The following ABCE1 variants were observed in gnomAD, a reference collection of about 807,000 sequenced individuals.
ABCE1 encodes ATP-binding cassette sub-family E member 1.
In ABCE1, 22 loss-of-function variants were observed where a neutral mutation model predicts 83.4. The observed-to-expected ratio is 0.26, with a 90% confidence interval of 0.19 to 0.38. The LOEUF is 0.38. Ranked by LOEUF, ABCE1 falls within the 10% of genes least tolerant of loss-of-function variation. The pLI, the probability that ABCE1 is intolerant of heterozygous loss-of-function variation, is 1.00. For synonymous variants in ABCE1, 204 were observed against 233.7 expected (o/e 0.87, Z 1.16); for missense variants, 330 against 721.9 (o/e 0.46, Z 6.22).
At position 145,110,949 on chromosome 4, in the gene ABCE1, G is replaced by C; in HGVS notation, c.614-19G>C. The C allele has an allele frequency of 6.5e-7, 1 of 1,533,122 alleles. No individual in the cohort carries two copies. Among genetic ancestry groups the C allele is most frequent in the South Asian group, 1.2e-5 (1 of 85,432 alleles). 95.0% of individuals were successfully genotyped at this position (1,533,122 alleles called of 1,614,324 possible). On this transcript the variant is annotated intron_variant, in intron 7 of 17. Coordinates refer to ENST00000296577, the MANE Select transcript of ABCE1 (RefSeq NM_002940.3). ...AGAGGTGAAATACATTGAGCACAAT[G>C]CCTCTATGTTCTTTGTAGATTTAAC...
chr4:145,114,341 C>T (rs1749558495), intron 9 of ABCE1, among the ~76,000 whole-genome samples: 2 of 152,102 alleles, frequency 1.3e-5, no homozygotes, highest in Non-Finnish European at 2.9e-5. Context: ...AGTCAGGTCA[C>T]TAGTTCTCAA....
chr4:145,099,634 A>G (rs1306194134), intron 1 of ABCE1, among the ~76,000 whole-genome samples: 1 of 152,228 alleles, frequency 6.6e-6, no homozygotes, highest in Non-Finnish European at 1.5e-5. Flanking sequence ...TAAATGTCTT[A>G]AACTTAAAAC....
chr4:145,100,509 C>T (rs1749118510), intron 1 of ABCE1, among the ~76,000 whole-genome samples: 1 of 152,246 alleles, frequency 6.6e-6, no homozygotes, highest in African/African-American at 2.4e-5. Flanking sequence ...TGTAGAAAGG[C>T]ATTCAGTATT....
chr4:145,129,429 A>ATACT lies in ABCE1; in HGVS notation c.*1859_*1862dup, dbSNP rs901080180. Among the ~76,000 whole-genome samples, 3 of 152,204 alleles carry ATACT rather than the reference A, an allele frequency of 2.0e-5. No individual in the cohort carries two copies. Among genetic ancestry groups the ATACT allele is most frequent in the Non-Finnish European group, 2.9e-5 (2 of 68,032 alleles). On this transcript the variant is annotated 3_prime_UTR_variant, in exon 18 of 18. Transcript: ENST00000296577. ...ATGTCCTAATTGGAAAAAGTCTCAA[A>ATACT]TACTTAAAAAAACAAAAAACTGGAA...
In ABCE1 at chr4:145,120,106, C is replaced by T. The variant is rs1749702406; in HGVS notation, c.1097C>T (p.Ala366Val). Residue 366 changes from alanine (A) to valine (V), a missense_variant, in exon 11 of 18, where the codon GCT (alanine) becomes GTT (valine). Transcript: ENST00000296577. ...KMGEFELAIV[A>V]GEFTDSEIMV... ...GGAGAATTTGAGCTAGCAATTGTAG[C>T]TGGAGAGTTTACAGATTCTGAAATT... The T allele has an allele frequency of 6.2e-7, 1 of 1,611,270 alleles. No homozygotes were observed. The highest frequency in any genetic ancestry group is 8.5e-7 in the Non-Finnish European group (1 of 1,179,048).
Position 145,123,121 on chromosome 4 carries a change from T to C in ABCE1, c.1364T>C (p.Ile455Thr). The C allele has an allele frequency of 1.2e-6, 2 of 1,601,190 alleles. No homozygotes were observed. The highest frequency in any genetic ancestry group is 1.7e-6 in the Non-Finnish European group (2 of 1,175,940). Residue 455 changes from isoleucine to threonine, a missense_variant, in exon 14 of 18, where the codon ATT becomes ACT. Ile to Thr is a moderately conservative substitution (Grantham distance 89). Transcript: ENST00000296577. The stretch of plus-strand genomic sequence containing the variant: ...AAGCCTCTGCAAATTGAAAACATCA[T>C]TGATCAAGAGGTACTTTAACATAAT... ...VMKPLQIENIIDQEVQTLSGG... is the reference protein window; with the variant it reads ...VMKPLQIENITDQEVQTLSGG...
At chr4:145,099,068 ACTTTCTC>A (rs1467790653) in intron 1 of ABCE1, among the ~76,000 whole-genome samples, 1 of 152,152 alleles carries the variant, frequency 6.6e-6, no homozygotes, top group East Asian at 1.9e-4. Flanking sequence ...AGCACTAGGC[ACTTTCTC>A]CCCTTACCCG....
Position 145,123,609 on chromosome 4 carries a change from A to G in ABCE1, c.1640+9A>G, listed in dbSNP as rs750349882. 2.5e-6 allele frequency: 4 copies of G among 1,588,628 alleles called. No homozygotes were observed. In the South Asian group the frequency reaches 4.4e-5, roughly 18 times the overall value. ...AACACAGTTGCAAACAGGTAAAATT[A>G]CTTTTTAATATGTTCAAAGTAATTC... On this transcript the variant is annotated intron_variant, in intron 16 of 17. Coordinates refer to ENST00000296577, the MANE Select transcript of ABCE1 (RefSeq NM_002940.3).
At chr4:145,101,519 C>A (rs1160088852) in intron 1 of ABCE1, among the ~76,000 whole-genome samples, 1 of 152,096 alleles carries the variant, frequency 6.6e-6, no homozygotes, top group Non-Finnish European at 1.5e-5. Flanking sequence ...AAAAGGCTTC[C>A]TATGGTTCCT....
intron 10 of ABCE1, among the ~76,000 whole-genome samples, chr4:145,119,656 G>T (rs1373771559): frequency 6.6e-6 from 1 of 151,888 alleles, no homozygotes; most frequent in Admixed American, 6.6e-5. Context: ...AGGACATCAT[G>T]TGCTCTCTTT....
intron 7 of ABCE1, 195 bp from the exon 8 acceptor site, chr4:145,110,773 A>G (rs1749448887): frequency 7.2e-6 from 4 of 554,954 alleles, no homozygotes; most frequent in Non-Finnish European, 1.3e-5. Context: ...TTTTGTGTAT[A>G]TATTTCAATA....
chr4:145,111,498 T>G (rs1749474298), intron 8 of ABCE1, among the ~76,000 whole-genome samples: 1 of 152,112 alleles, frequency 6.6e-6, no homozygotes, highest in Admixed American at 6.5e-5. Context: ...TAATTTTTTT[T>G]TGTATTTTTA....
At chr4:145,109,375 TTTA>T (rs1403221992) in intron 5 of ABCE1, 126 bp downstream of exon 5, 1 of 540,128 alleles carries the variant, frequency 1.9e-6, no homozygotes, top group Admixed American at 3.8e-5. Flanking sequence ...TGCTGAGAAA[TTTA>T]TAAACAAAGC....
intron 7 of ABCE1, 78 bp downstream of exon 7, chr4:145,110,522 C>A: frequency 7.0e-7 from 1 of 1,428,930 alleles, no homozygotes; most frequent in Non-Finnish European, 9.8e-7. Context: ...GTTGCCCAGG[C>A]TGGGGTGCAA....
In ABCE1 at chr4:145,108,075, A is replaced by G; in HGVS notation, c.250A>G (p.Thr84Ala). 1 of 1,613,710 alleles carries G rather than the reference A, an allele frequency of 6.2e-7. No homozygotes were observed. The highest frequency in any genetic ancestry group is 8.5e-7 in the Non-Finnish European group (1 of 1,179,758). ...ACCAAGCAACTTGGAAAAAGAAACC[A>G]CACATCGATATTGTGCCAATGCCTT... Reference protein sequence around the residue: ...NLPSNLEKETTHRYCANAFKL... With the variant: ...NLPSNLEKETAHRYCANAFKL... The change falls in exon 4 of 18, where the codon ACA becomes GCA. Residue 84 changes from threonine (T) to alanine (A), a missense_variant. Physicochemically the swap from Thr to Ala is moderately conservative, Grantham distance 58. Coordinates refer to ENST00000296577, the MANE Select transcript of ABCE1 (RefSeq NM_002940.3).
intron 17 of ABCE1, among the ~76,000 whole-genome samples, chr4:145,125,773 G>C (rs560256907): frequency 1.3e-5 from 2 of 152,234 alleles, no homozygotes; most frequent in Non-Finnish European, 2.9e-5. Flanking sequence ...TGATTAAAAG[G>C]TGTATTTTAG....
chr4:145,116,715 C>T (rs1749615543), intron 9 of ABCE1, among the ~76,000 whole-genome samples: 1 of 151,920 alleles, frequency 6.6e-6, no homozygotes, highest in Non-Finnish European at 1.5e-5. Context: ...CATCATATCC[C>T]ATTCTCATTC....
intron 3 of ABCE1, among the ~76,000 whole-genome samples, chr4:145,106,182 C>A (rs1217961394): frequency 2.0e-5 from 3 of 151,900 alleles, no homozygotes; most frequent in East Asian, 3.8e-4. Flanking sequence ...GCTTTTGACT[C>A]ATGAATGGTG....
intron 5 of ABCE1, among the ~76,000 whole-genome samples, chr4:145,109,709 C>G (rs1749409518): frequency 1.3e-5 from 2 of 152,114 alleles, no homozygotes. Context: ...GAATGCCGCC[C>G]TATTAATTGT....
Sources: gnomAD v4.1 joint callset for allele counts (sites outside exome capture counted in the v4.1 genomes callset) on GRCh38, gnomAD v4.1.1 for gene constraint, MANE v1.5 for transcripts, NCBI Gene and HGNC (gene_info 2026-07-23, HGNC 2026-07-21) for gene names.